Variants in CPLANE1 observed in about 807,000 individuals in gnomAD.
CPLANE1 encodes ciliogenesis and planar polarity effector 1.
In CPLANE1, 263 loss-of-function variants were observed where a neutral mutation model predicts 362.5. That is an observed-to-expected ratio of 0.73 (90% CI 0.66 to 0.80). The LOEUF (loss-of-function observed/expected upper bound fraction) is 0.80. Among genes scored for constraint, CPLANE1 ranks in the 30% least tolerant of loss-of-function variants. The pLI is 0.00. For synonymous variants in CPLANE1, 1,212 were observed against 1,302.6 expected, an observed-to-expected ratio of 0.93 and a Z score of 1.50; for missense variants, 3,461 against 3,793.4, an observed-to-expected ratio of 0.91 and a Z score of 2.30.
In CPLANE1 at chr5:37,214,513, C is replaced by T. The variant is rs546681991; in HGVS notation, c.2747-781G>A. 1.1e-4 allele frequency among the ~76,000 whole-genome samples: 17 copies of T among 152,292 alleles called. No individual in the cohort carries two copies. In the East Asian group the frequency reaches 3.1e-3, roughly 28 times the overall value. ...TTATCAAAATTTACACAAACACTTACAGGCCATATATGGCACTGTTCACAG... is the reference window on the plus strand; with the variant it reads ...TTATCAAAATTTACACAAACACTTATAGGCCATATATGGCACTGTTCACAG... On this transcript the variant is annotated intron_variant, in intron 15 of 52. Transcript: ENST00000651892.
intron 51 of CPLANE1, among the ~76,000 whole-genome samples, chr5:37,112,431 A>G (rs747777045): frequency 1.3e-5 from 2 of 152,250 alleles, no homozygotes; most frequent in African/African-American, 2.4e-5. Flanking sequence ...CTGAGCATGC[A>G]TAAGACTTTT....
intron 21 of CPLANE1, among the ~76,000 whole-genome samples, chr5:37,193,894 C>T (rs1239482372): frequency 4.0e-5 from 6 of 151,396 alleles, no homozygotes; most frequent in South Asian, 2.1e-4. Flanking sequence ...CATAAGCCAC[C>T]GCACCTGGCC....
At chr5:37,081,273 T>C in the CPLANE1 span, among the ~76,000 whole-genome samples, 86 of 152,318 alleles carry the variant, frequency 5.6e-4, no homozygotes, top group African/African-American at 1.9e-3. Context: ...ATTTTAAATA[T>C]GTACAAAGAA....
chr5:37,216,179 C>G (rs914188019), intron 15 of CPLANE1, among the ~76,000 whole-genome samples: 6 of 152,112 alleles, frequency 3.9e-5, no homozygotes, highest in Non-Finnish European at 8.8e-5. Context: ...ATCTGAGAAT[C>G]TTAATATACT....
At chr5:37,195,819 T>A in intron 21 of CPLANE1, 39 bp downstream of exon 21, 12 of 1,577,312 alleles carry the variant, frequency 7.6e-6, no homozygotes, top group Non-Finnish European at 1.0e-5. Flanking sequence ...AAATATACCA[T>A]CATTCATACT....
At chr5:37,215,192 G>A (rs1392191787) in intron 15 of CPLANE1, among the ~76,000 whole-genome samples, 1 of 152,068 alleles carries the variant, frequency 6.6e-6, no homozygotes, top group African/African-American at 2.4e-5. Flanking sequence ...TGGGATTATA[G>A]GCACGTGCCA....
chr5:37,187,921 C>G, intron 21 of CPLANE1, 79 bp from the exon 22 acceptor site: 1 of 909,430 alleles, frequency 1.1e-6, no homozygotes. Context: ...CTCTGCTGAT[C>G]ATTTTTTTCA....
At chr5:37,086,310 G>A in the CPLANE1 span, among the ~76,000 whole-genome samples, 6 of 152,202 alleles carry the variant, frequency 3.9e-5, 2 homozygotes, top group Admixed American at 3.3e-4. Context: ...GCCACAAAAC[G>A]AGCCTCAATA....
Position 37,244,378 on chromosome 5 carries a change from AT to A in CPLANE1, c.566del (p.Asn189MetfsTer20), listed in dbSNP as rs2150793876. On this transcript the variant is annotated frameshift_variant, in exon 5 of 53. Transcript: ENST00000651892. The stretch of plus-strand genomic sequence containing the variant: ...AAGAGTCTGAGACTGATTTTACCTC[AT>A]TTTTTATAAAAACAGCATTCACTAC... ...EAVVNAVFIK[N>X]ELFGDCCLCS... is the part of the protein sequence containing the mutation. The A allele has an allele frequency of 1.9e-6, 3 of 1,546,882 alleles. No homozygotes were observed. Among genetic ancestry groups the A allele is most frequent in the East Asian group, 4.9e-5 (2 of 40,852 alleles).
intron 46 of CPLANE1, among the ~76,000 whole-genome samples, chr5:37,125,872 T>C (rs1763994184): frequency 6.6e-6 from 1 of 152,180 alleles, no homozygotes; most frequent in African/African-American, 2.4e-5. Flanking sequence ...AAACACATCA[T>C]GTAAAATGGG....
At chr5:37,089,739 G>T in the CPLANE1 span, among the ~76,000 whole-genome samples, 10 of 152,172 alleles carry the variant, frequency 6.6e-5, no homozygotes, top group Admixed American at 4.6e-4. Flanking sequence ...GATTCCCCTA[G>T]CAGAACAGGA....
Position 37,168,981 on chromosome 5 carries a change from G to C in CPLANE1, c.7043C>G (p.Thr2348Ser). ...PEKLFDVKPG[T>S]LEISPHHSFG... The stretch of plus-strand genomic sequence containing the variant: ...GGAATGGTGAGGAGATATCTCAAGG[G>C]TCCCTGGCTTAACATCAAATAGTTT... The change falls in exon 34 of 53, where the codon ACC becomes AGC. Residue 2348 changes from threonine (T) to serine (S), a missense_variant. Transcript: ENST00000651892. 6.2e-7 allele frequency: 1 copy of C among 1,614,150 alleles called. No homozygotes were observed. The highest frequency in any genetic ancestry group is 8.5e-7 in the Non-Finnish European group (1 of 1,180,018).
At chr5:37,221,599 C>G in intron 14 of CPLANE1, 111 bp from the exon 15 acceptor site, 2 of 608,482 alleles carry the variant, frequency 3.3e-6, no homozygotes. Context: ...AAGTTGTACA[C>G]TCATGATATG....
At chr5:37,166,831 A>T (rs1778364640) in intron 35 of CPLANE1, among the ~76,000 whole-genome samples, 1 of 152,158 alleles carries the variant, frequency 6.6e-6, no homozygotes. Context: ...GTAGGAAAGA[A>T]TTCCTTAATA....
At chr5:37,206,031 G>C (rs2150125534) in intron 17 of CPLANE1, among the ~76,000 whole-genome samples, 166 bp downstream of exon 17, 1 of 152,182 alleles carries the variant, frequency 6.6e-6, no homozygotes, top group Admixed American at 6.5e-5. Flanking sequence ...AGTTACTTGT[G>C]GTGAGTGGCT....
intron 48 of CPLANE1, 78 bp from the exon 49 acceptor site, chr5:37,121,862 G>T: frequency 1.7e-6 from 2 of 1,185,554 alleles, no homozygotes; most frequent in Non-Finnish European, 2.4e-6. Flanking sequence ...AGTGTTTGAA[G>T]ATCACCTAGC....
intron 44 of CPLANE1, chr5:37,141,287 T>C (rs1256884821): frequency 2.0e-6 from 2 of 985,224 alleles, no homozygotes; most frequent in African/African-American, 1.7e-5. Flanking sequence ...TCAGATATAA[T>C]TAGAACCCTC....
Position 37,205,311 on chromosome 5 carries a change from A to T in CPLANE1, c.3289+4T>A. 1 of 1,546,854 alleles carries T rather than the reference A, an allele frequency of 6.5e-7. No homozygotes were observed. The highest frequency in any genetic ancestry group is 8.7e-7 in the Non-Finnish European group (1 of 1,145,248). ...ACGAATCAGACTATACATACATAACACACCTGTAAACTGTTTATATTTTGA... is the reference window on the plus strand; with the variant it reads ...ACGAATCAGACTATACATACATAACTCACCTGTAAACTGTTTATATTTTGA... On this transcript the variant is annotated splice_donor_region_variant and intron_variant, in intron 18 of 52. Transcript: ENST00000651892.
rs888821690 is a variant in CPLANE1 at position 37,227,906 on chromosome 5, C to T, written c.1122-89G>A. ...TTTTTCAAAAAAGAAGAAAAAGTTA[C>T]AGAACAATGAAAAAGCAAGCAAGTG... On this transcript the variant is annotated intron_variant, in intron 9 of 52. Transcript: ENST00000651892. The T allele has an allele frequency of 3.9e-6, 5 of 1,297,738 alleles. No individual in the cohort carries two copies. In the African/African-American group the frequency reaches 6.0e-5, roughly 16 times the overall value. 80.4% of individuals were successfully genotyped at this position (1,297,738 alleles called of 1,614,324 possible). A position where few individuals can be genotyped will look rare whatever the true frequency, so the allele number is the denominator to read the frequency against.
Sources: allele counts gnomAD v4.1 joint callset (sites outside exome capture counted in the v4.1 genomes callset), GRCh38; gene constraint gnomAD v4.1.1; transcripts MANE v1.5; gene names NCBI Gene and HGNC (gene_info 2026-07-23, HGNC 2026-07-21).